NTM: variants seen among roughly 807,000 people sequenced by gnomAD.
NTM encodes the protein neurotrimin.
In NTM, 13 loss-of-function variants were observed where a neutral mutation model predicts 42.1. The ratio of observed to expected loss-of-function variants is 0.31; its 90% confidence interval spans 0.20 to 0.49. NTM has a LOEUF of 0.49. Ranked by LOEUF, NTM falls within the 20% of genes least tolerant of loss-of-function variation. The pLI, the probability that NTM is intolerant of heterozygous loss-of-function variation, is 0.99. For missense variants in NTM, 373 were observed against 452.8 expected, an observed-to-expected ratio of 0.82 and a Z score of 1.60; for synonymous variants, 187 against 179.2, an observed-to-expected ratio of 1.04 and a Z score of -0.35.
At chr11:131,767,448 C>A (rs569053004) in intron 1 of NTM, among the ~76,000 whole-genome samples, 1 of 152,192 alleles carries the variant, frequency 6.6e-6, no homozygotes, top group South Asian at 2.1e-4. Flanking sequence ...GTGTCTCCCC[C>A]AAATTTATAT....
chr11:131,491,224 C>A (rs1226631178), intron 1 of NTM, among the ~76,000 whole-genome samples: 1 of 152,160 alleles, frequency 6.6e-6, no homozygotes, highest in Non-Finnish European at 1.5e-5. Context: ...AAAAATCAGT[C>A]AACTATGCCA....
At chr11:131,472,616 T>G (rs1377553780) in intron 1 of NTM, among the ~76,000 whole-genome samples, 1 of 152,256 alleles carries the variant, frequency 6.6e-6, no homozygotes, top group East Asian at 1.9e-4. Flanking sequence ...ACACAGTTAT[T>G]TTTCCAAACA....
At chr11:132,311,383 T>TTCTAGTGAGATGTATTATATTCA (rs1315096980) in intron 6 of NTM, among the ~76,000 whole-genome samples, 4 of 152,228 alleles carry the variant, frequency 2.6e-5, no homozygotes, top group African/African-American at 7.2e-5. Context: ...TTCTGGCAGC[T>TTCTAGTGAGATGTATTATATTCA]TCTAGTGAGA....
chr11:132,018,229 G>T lies in NTM; in HGVS notation c.167+106581G>T, dbSNP rs115805346. 9.1e-3 allele frequency among the ~76,000 whole-genome samples: 1,342 copies of T among 147,266 alleles called. 29 individuals carry two copies. Among genetic ancestry groups the T allele is most frequent in the African/African-American group, 0.032 (1,287 of 39,964 alleles). On this transcript the variant is annotated intron_variant, in intron 2 of 8. Coordinates refer to ENST00000683400, the MANE Select transcript of NTM (RefSeq NM_001352005.2). Reference sequence around the variant, plus strand: ...GCCTCCTTCTCTCTTTCTTCCTTTTGTCCCATATTGCATGGGTAGAACCTC... The same window carrying T: ...GCCTCCTTCTCTCTTTCTTCCTTTTTTCCCATATTGCATGGGTAGAACCTC...
At chr11:131,583,854 A>G (rs1592122509) in intron 1 of NTM, among the ~76,000 whole-genome samples, 1 of 152,318 alleles carries the variant, frequency 6.6e-6, no homozygotes, top group African/African-American at 2.4e-5. Flanking sequence ...AAACCCATAG[A>G]TGAACCCCTG....
rs143817587 is a variant in NTM, at chr11:131,418,759, A to G, written c.82+47871A>G. Among the ~76,000 whole-genome samples, 6 of 152,278 alleles carry G rather than the reference A, an allele frequency of 3.9e-5. No homozygotes were observed. In the South Asian group the frequency reaches 6.2e-4, roughly 16 times the overall value. The stretch of plus-strand genomic sequence containing the variant: ...CTAGATTTCCCTGGTCAGTCTATTG[A>G]TTCTCTATTAAATTGCAAGAAATCA... On this transcript the variant is annotated intron_variant, in intron 1 of 8. Transcript: ENST00000683400.
At chr11:131,373,906 A>G (rs372354324) in intron 1 of NTM, among the ~76,000 whole-genome samples, 1 of 151,494 alleles carries the variant, frequency 6.6e-6, no homozygotes, top group African/African-American at 2.4e-5. Flanking sequence ...CAAAGTTCAC[A>G]CTCCCCTTCG....
chr11:132,296,012 G>A (rs1169087935), intron 4 of NTM, among the ~76,000 whole-genome samples: 3 of 152,180 alleles, frequency 2.0e-5, no homozygotes, highest in South Asian at 2.1e-4. Flanking sequence ...AGCAGGGTTT[G>A]TTGATTGAAG....
intron 7 of NTM, chr11:132,314,974 A>C: frequency 8.4e-7 from 1 of 1,192,228 alleles, no homozygotes; most frequent in South Asian, 4.3e-5. Context: ...AGTAGATCTC[A>C]GAAGTGGGAA....
intron 2 of NTM, among the ~76,000 whole-genome samples, chr11:132,107,028 A>G (rs2062461058): frequency 6.6e-6 from 1 of 152,198 alleles, no homozygotes; most frequent in South Asian, 2.1e-4. Flanking sequence ...AAAAAAATCC[A>G]TAAAAGGCAT....
intron 1 of NTM, among the ~76,000 whole-genome samples, chr11:131,744,695 T>A (rs2081588478): frequency 6.6e-6 from 1 of 152,200 alleles, no homozygotes; most frequent in Non-Finnish European, 1.5e-5. Context: ...CAAGCACAAG[T>A]GTCCTCTGCA....
At chr11:131,492,676 G>T (rs902828415) in intron 1 of NTM, among the ~76,000 whole-genome samples, 1 of 152,084 alleles carries the variant, frequency 6.6e-6, no homozygotes. Flanking sequence ...TGCACAGTGG[G>T]TTCAGGGGAC....
chr11:132,249,482 G>T (rs1031953729), intron 4 of NTM, among the ~76,000 whole-genome samples: 2 of 152,192 alleles, frequency 1.3e-5, no homozygotes, highest in African/African-American at 4.8e-5. Flanking sequence ...TGGCTACGTG[G>T]GTTGTTTCCT....
chr11:131,986,812 T>C (rs1011978172), intron 2 of NTM, among the ~76,000 whole-genome samples: 1 of 152,226 alleles, frequency 6.6e-6, no homozygotes, highest in African/African-American at 2.4e-5. Flanking sequence ...GTTCAATAAG[T>C]ATTCATTGAA....
intron 1 of NTM, among the ~76,000 whole-genome samples, chr11:131,690,530 G>C (rs2074527677): frequency 6.6e-6 from 1 of 152,252 alleles, no homozygotes; most frequent in African/African-American, 2.4e-5. Context: ...GCACCCAGGG[G>C]ACTCCACGCT....
chr11:132,189,324 T>C (rs1284084098), intron 3 of NTM, among the ~76,000 whole-genome samples: 1 of 152,172 alleles, frequency 6.6e-6, no homozygotes, highest in Non-Finnish European at 1.5e-5. Flanking sequence ...GAGACACCTG[T>C]CCTATGTTCC....
intron 2 of NTM, among the ~76,000 whole-genome samples, chr11:131,950,656 T>A (rs2060879085): frequency 6.6e-6 from 1 of 152,210 alleles, no homozygotes; most frequent in Admixed American, 6.5e-5. Flanking sequence ...GGGGAGGAGA[T>A]AATGGCACCT....
At chr11:132,104,932 CATATGT>C (rs1262806226) in intron 2 of NTM, among the ~76,000 whole-genome samples, 1 of 15,848 alleles carries the variant, frequency 6.3e-5, no homozygotes, top group African/African-American at 2.6e-4. Context: ...TCCATATATA[CATATGT>C]ATATATATAT....
chr11:132,249,576 T>C (rs991251299), intron 4 of NTM, among the ~76,000 whole-genome samples: 4 of 152,246 alleles, frequency 2.6e-5, no homozygotes, highest in African/African-American at 9.6e-5. Flanking sequence ...TTTCAAATCC[T>C]AGGTGTCATT....
Sources: gnomAD v4.1 joint callset for allele counts (sites outside exome capture counted in the v4.1 genomes callset) on GRCh38, gnomAD v4.1.1 for gene constraint, MANE v1.5 for transcripts, NCBI Gene and HGNC (gene_info 2026-07-23, HGNC 2026-07-21) for gene names.